Variants in PPARGC1A observed in about 807,000 individuals in gnomAD.
PPARGC1A encodes peroxisome proliferator-activated receptor gamma coactivator 1-alpha.
PPARGC1A carries 25 observed loss-of-function variants against 88.7 expected under a neutral mutation model. The observed-to-expected ratio is 0.28, with a 90% confidence interval of 0.21 to 0.39. The LOEUF is 0.39. Among genes scored for constraint, PPARGC1A ranks in the 10% least tolerant of loss-of-function variants. The pLI, the probability that PPARGC1A is intolerant of heterozygous loss-of-function variation, is 1.00. For missense variants in PPARGC1A, 880 were observed against 968.7 expected (o/e 0.91, Z 1.22); for synonymous variants, 363 against 355.6 (o/e 1.02, Z -0.24).
the PPARGC1A span, among the ~76,000 whole-genome samples, chr4:24,182,591 T>A: frequency 6.6e-6 from 1 of 152,180 alleles, no homozygotes; most frequent in South Asian, 2.1e-4. Context: ...CCACAATGGT[T>A]GAACTAATTT....
the PPARGC1A span, among the ~76,000 whole-genome samples, chr4:24,057,215 G>A: frequency 1.5e-3 from 234 of 152,242 alleles, 2 homozygotes; most frequent in African/African-American, 5.2e-3. Flanking sequence ...GATAAATATC[G>A]TATGATTCCT....
chr4:24,113,334 T>A, the PPARGC1A span, among the ~76,000 whole-genome samples: 1 of 151,434 alleles, frequency 6.6e-6, no homozygotes, highest in African/African-American at 2.4e-5. Flanking sequence ...AAAGGATAGA[T>A]GGGAACAACC....
the PPARGC1A span, among the ~76,000 whole-genome samples, chr4:24,295,651 GT>G: frequency 1.0e-4 from 15 of 150,292 alleles, no homozygotes; most frequent in Admixed American, 6.0e-4. Context: ...TATATTCATA[GT>G]TTTTTGTGTT....
the PPARGC1A span, among the ~76,000 whole-genome samples, chr4:24,415,060 T>C: frequency 1.3e-5 from 2 of 151,964 alleles, no homozygotes; most frequent in East Asian, 3.9e-4. Flanking sequence ...TGCAGTGGCA[T>C]GCACCTGTAA....
the PPARGC1A span, among the ~76,000 whole-genome samples, chr4:24,383,365 G>A: frequency 5.3e-5 from 8 of 152,134 alleles, no homozygotes; most frequent in East Asian, 3.9e-4. Context: ...AAAGCTGGAC[G>A]GAGAATGAGT....
chr4:24,161,128 C>T, the PPARGC1A span, among the ~76,000 whole-genome samples: 1 of 152,200 alleles, frequency 6.6e-6, no homozygotes, highest in Non-Finnish European at 1.5e-5. Flanking sequence ...TAAGGAAGAG[C>T]ATGACTTGGG....
chr4:24,345,602 A>G, the PPARGC1A span, among the ~76,000 whole-genome samples: 1 of 152,148 alleles, frequency 6.6e-6, no homozygotes, highest in Non-Finnish European at 1.5e-5. Context: ...GGTGTATAGA[A>G]GAGCTACTGA....
chr4:24,274,325 T>C, the PPARGC1A span, among the ~76,000 whole-genome samples: 1 of 152,152 alleles, frequency 6.6e-6, no homozygotes, highest in Non-Finnish European at 1.5e-5. Flanking sequence ...CAGGGCTTTC[T>C]GATATGGCCA....
chr4:24,111,358 T>C, the PPARGC1A span, among the ~76,000 whole-genome samples: 2 of 152,206 alleles, frequency 1.3e-5, no homozygotes. Flanking sequence ...CGGTAGGTCA[T>C]ACATTATATA....
the PPARGC1A span, among the ~76,000 whole-genome samples, chr4:24,123,920 A>AC: frequency 1.4e-4 from 22 of 151,770 alleles, 1 homozygote; most frequent in East Asian, 9.7e-4. Context: ...CAAAAAAAAA[A>AC]AAAAACAAAA....
the PPARGC1A span, among the ~76,000 whole-genome samples, chr4:24,463,782 T>C: frequency 6.6e-6 from 1 of 151,810 alleles, no homozygotes; most frequent in Non-Finnish European, 1.5e-5. Context: ...GCAATGGGAG[T>C]GGGAAAAAAA....
the PPARGC1A span, among the ~76,000 whole-genome samples, chr4:24,318,089 G>A: frequency 6.6e-6 from 1 of 152,156 alleles, no homozygotes; most frequent in East Asian, 1.9e-4. Context: ...TAATGGGGCC[G>A]CTCAAAGATT....
chr4:23,923,463 G>A, the PPARGC1A span, among the ~76,000 whole-genome samples: 2 of 152,106 alleles, frequency 1.3e-5, no homozygotes, highest in Admixed American at 6.5e-5. Context: ...TCCAGTGACA[G>A]CATGCTAGTA....
the PPARGC1A span, among the ~76,000 whole-genome samples, chr4:24,420,932 C>A: frequency 6.6e-6 from 1 of 152,138 alleles, no homozygotes; most frequent in South Asian, 2.1e-4. Flanking sequence ...ATAGATGGTG[C>A]CTTCTACATG....
At chr4:23,978,983 G>T in the PPARGC1A span, among the ~76,000 whole-genome samples, 2 of 152,060 alleles carry the variant, frequency 1.3e-5, no homozygotes, top group Non-Finnish European at 2.9e-5. Flanking sequence ...GCACCCTATT[G>T]CATATAGAAA....
the PPARGC1A span, among the ~76,000 whole-genome samples, chr4:24,041,603 G>T: frequency 1.3e-5 from 2 of 152,096 alleles, no homozygotes; most frequent in African/African-American, 4.8e-5. Context: ...TAACCCAGTG[G>T]TTCTTTGCCT....
chr4:23,867,311 T>C (rs1332568655), intron 2 of PPARGC1A, among the ~76,000 whole-genome samples: 1 of 152,244 alleles, frequency 6.6e-6, no homozygotes, highest in Non-Finnish European at 1.5e-5. Flanking sequence ...GTAGGCATTA[T>C]GTACTTAATA....
At chr4:24,065,041 G>A in the PPARGC1A span, among the ~76,000 whole-genome samples, 1 of 152,164 alleles carries the variant, frequency 6.6e-6, no homozygotes, top group Non-Finnish European at 1.5e-5. Context: ...AGTTTAGGAG[G>A]ACCACTTATC....
chr4:23,836,397 T>C (rs1009707404), intron 2 of PPARGC1A, among the ~76,000 whole-genome samples: 1 of 152,200 alleles, frequency 6.6e-6, no homozygotes, highest in Non-Finnish European at 1.5e-5. Context: ...AATAAAGGTC[T>C]GTGTGACTGT....
Sources: allele counts gnomAD v4.1 joint callset (sites outside exome capture counted in the v4.1 genomes callset), GRCh38; gene constraint gnomAD v4.1.1; transcripts MANE v1.5; gene names NCBI Gene and HGNC (gene_info 2026-07-23, HGNC 2026-07-21).